The following PTPRD variants were observed in gnomAD, a reference collection of about 807,000 sequenced individuals.
PTPRD encodes protein tyrosine phosphatase receptor type D.
A neutral mutation model predicts 214.5 loss-of-function variants in PTPRD; 34 were observed. The observed-to-expected ratio is 0.16, with a 90% CI of 0.12 to 0.21. The LOEUF is 0.21. Among genes scored for constraint, PTPRD ranks in the 10% least tolerant of loss-of-function variants. The pLI, the probability that PTPRD is intolerant of heterozygous loss-of-function variation, is 1.00. For missense variants in PTPRD, 2,545 were observed against 2,398.7 expected (o/e 1.06, Z -1.27); for synonymous variants, 1,128 against 845.7 (o/e 1.33, Z -5.79).
In PTPRD at chr9:9,910,700, T is replaced by G. The variant is rs564211281; in HGVS notation, c.-368+27807A>C. 6.0e-4 allele frequency among the ~76,000 whole-genome samples: 91 copies of G among 152,180 alleles called. 1 individual carries two copies. The highest frequency in any genetic ancestry group is 2.1e-3 in the African/African-American group (88 of 41,588). On this transcript the variant is annotated intron_variant, in intron 5 of 45. Coordinates refer to ENST00000381196, the MANE Select transcript of PTPRD (RefSeq NM_002839.4). Reference sequence around the variant, plus strand: ...TATATAGATGTATTTGTCATTTTCTTATTAATTACCATGAGATCATTTGAT... The same window carrying G: ...TATATAGATGTATTTGTCATTTTCTGATTAATTACCATGAGATCATTTGAT...
At chr9:8,709,982 A>T (rs972205942) in intron 12 of PTPRD, among the ~76,000 whole-genome samples, 3 of 152,216 alleles carry the variant, frequency 2.0e-5, no homozygotes, top group Non-Finnish European at 2.9e-5. Flanking sequence ...CAAACAGCGA[A>T]CAACTACGGA....
intron 3 of PTPRD, among the ~76,000 whole-genome samples, chr9:10,285,608 T>TTTTTC (rs2154396837): frequency 7.3e-6 from 1 of 136,210 alleles, no homozygotes; most frequent in Admixed American, 7.2e-5. Context: ...GTCTCATCTT[T>TTTTTC]TTTTTTTTTT....
intron 9 of PTPRD, among the ~76,000 whole-genome samples, chr9:9,341,944 G>C (rs2046971399): frequency 6.6e-6 from 1 of 152,048 alleles, no homozygotes; most frequent in Non-Finnish European, 1.5e-5. Context: ...CAGTAGCTGG[G>C]ATTACAGGCA....
intron 2 of PTPRD, among the ~76,000 whole-genome samples, chr9:10,388,622 T>C (rs2097978368): frequency 6.6e-6 from 1 of 151,870 alleles, no homozygotes; most frequent in Non-Finnish European, 1.5e-5. Context: ...AATAACATAC[T>C]ATAATGACAA....
At chr9:10,493,188 G>T (rs1157441969) in intron 2 of PTPRD, among the ~76,000 whole-genome samples, 1 of 151,898 alleles carries the variant, frequency 6.6e-6, no homozygotes, top group Non-Finnish European at 1.5e-5. Flanking sequence ...GTAATTTTTG[G>T]ATTCAATGCT....
intron 3 of PTPRD, among the ~76,000 whole-genome samples, chr9:10,284,348 C>T (rs1454134867): frequency 6.6e-6 from 1 of 152,142 alleles, no homozygotes; most frequent in Admixed American, 6.5e-5. Context: ...TATACTCAAA[C>T]TACTATAAAA....
At chr9:9,805,116 G>A (rs2099064738) in intron 5 of PTPRD, among the ~76,000 whole-genome samples, 2 of 152,002 alleles carry the variant, frequency 1.3e-5, no homozygotes, top group Admixed American at 6.6e-5. Context: ...CTTGGATTCT[G>A]GGGCCAGGCT....
At chr9:9,152,693 G>A (rs2099877870) in intron 10 of PTPRD, among the ~76,000 whole-genome samples, 1 of 152,168 alleles carries the variant, frequency 6.6e-6, no homozygotes, top group South Asian at 2.1e-4. Flanking sequence ...TCCAAAAGAG[G>A]CTGATCTCAT....
At chr9:8,423,633 G>A (rs184808665) in intron 35 of PTPRD, among the ~76,000 whole-genome samples, 153 of 152,220 alleles carry the variant, frequency 1.0e-3, no homozygotes, top group African/African-American at 3.5e-3. Flanking sequence ...AATCTGACTC[G>A]TGATATGTAG....
intron 9 of PTPRD, among the ~76,000 whole-genome samples, chr9:9,364,797 G>C (rs1204823800): frequency 1.3e-5 from 2 of 151,446 alleles, no homozygotes; most frequent in African/African-American, 4.8e-5. Context: ...GGTGAGGAGT[G>C]ATGTGACCTG....
chr9:10,607,483 C>A (rs1422078923), intron 2 of PTPRD, among the ~76,000 whole-genome samples: 1 of 151,772 alleles, frequency 6.6e-6, no homozygotes, highest in Admixed American at 6.6e-5. Context: ...TGCTCACATG[C>A]AAACACAAAA....
chr9:8,758,040 G>A lies in PTPRD; in HGVS notation c.-103-24094C>T, dbSNP rs536745378. 3.9e-5 allele frequency among the ~76,000 whole-genome samples: 6 copies of A among 152,212 alleles called. No individual in the cohort carries two copies. The East Asian group carries it at 9.6e-4, about 24-fold the overall frequency. Reference sequence around the variant, plus strand: ...TCTGGAGACAATTCCTGACATCTCCGTGCTTCAACTTCCATCTGTGTGAAA... The same window carrying A: ...TCTGGAGACAATTCCTGACATCTCCATGCTTCAACTTCCATCTGTGTGAAA... On this transcript the variant is annotated intron_variant, in intron 11 of 45. Transcript: ENST00000381196.
intron 3 of PTPRD, among the ~76,000 whole-genome samples, chr9:10,136,167 A>C (rs1427807352): frequency 1.3e-5 from 2 of 152,028 alleles, no homozygotes; most frequent in Non-Finnish European, 2.9e-5. Context: ...AAAATATTCA[A>C]TTCAACAAGA....
chr9:10,349,590 G>A (rs1017350160), intron 2 of PTPRD, among the ~76,000 whole-genome samples: 2 of 151,842 alleles, frequency 1.3e-5, no homozygotes, highest in Admixed American at 1.3e-4. Flanking sequence ...ATTTGAATAG[G>A]TCTTTAAGTT....
intron 12 of PTPRD, among the ~76,000 whole-genome samples, chr9:8,640,670 G>C (rs12682677): frequency 0.27 from 38,557 of 142,332 alleles, 5,264 homozygotes; most frequent in Middle Eastern, 0.35. Flanking sequence ...GGCTTTTACA[G>C]AGAAATTCTG....
chr9:10,273,642 G>A (rs1027674079), intron 3 of PTPRD, among the ~76,000 whole-genome samples: 1 of 152,074 alleles, frequency 6.6e-6, no homozygotes, highest in Admixed American at 6.6e-5. Flanking sequence ...GAAATTGATA[G>A]AAATAGAGAA....
chr9:10,362,607 C>T (rs948065567), intron 2 of PTPRD, among the ~76,000 whole-genome samples: 5 of 152,106 alleles, frequency 3.3e-5, no homozygotes, highest in African/African-American at 4.8e-5. Context: ...GTCAGCCCGG[C>T]GTGGTGGCTC....
intron 3 of PTPRD, among the ~76,000 whole-genome samples, chr9:10,287,706 T>C (rs12555149): frequency 0.054 from 8,240 of 152,158 alleles, 529 homozygotes; most frequent in Admixed American, 0.17. Flanking sequence ...GGCTTCAGGT[T>C]CTGCCATATT....
chr9:8,496,194 ACACACACACACACACAAAC>A (rs2097263698), intron 26 of PTPRD, among the ~76,000 whole-genome samples: 3 of 146,348 alleles, frequency 2.0e-5, no homozygotes, highest in Non-Finnish European at 1.5e-5. Context: ...ACACACACAC[ACACACACACACACACAAAC>A]ACACACACAC....
Sources: allele counts gnomAD v4.1 joint callset (sites outside exome capture counted in the v4.1 genomes callset), GRCh38; gene constraint gnomAD v4.1.1; transcripts MANE v1.5; gene names NCBI Gene and HGNC (gene_info 2026-07-23, HGNC 2026-07-21).